SLC10A7: variants seen among roughly 807,000 people sequenced by gnomAD.
The protein encoded by SLC10A7 is solute carrier family 10 member 7, also known as sodium/bile acid cotransporter 7.
Under a neutral mutation model 43.2 loss-of-function variants are expected in SLC10A7, and 29 were observed. The observed-to-expected ratio is 0.67, with a 90% CI of 0.50 to 0.92. The LOEUF (loss-of-function observed/expected upper bound fraction) is 0.92, where lower values mean the gene tolerates loss of function less well. Ranked by LOEUF, SLC10A7 falls within the 40% of genes least tolerant of loss-of-function variation. SLC10A7 has a pLI of 0.00. For synonymous variants in SLC10A7, 152 were observed against 144.8 expected (o/e 1.05, Z -0.35); for missense variants, 295 against 403.2 (o/e 0.73, Z 2.30).
In SLC10A7 at chr4:146,471,995, A is replaced by G. The variant is rs1026643585; in HGVS notation, c.397-29174T>C. ...TTCTCCATACCCCCCCACTCCCAAA[A>G]GATAGCTCATGCAGTTTTCCAAATA... On this transcript the variant is annotated intron_variant, in intron 4 of 11. Coordinates refer to ENST00000335472, the MANE Select transcript of SLC10A7 (RefSeq NM_001029998.6). 5.3e-5 allele frequency among the ~76,000 whole-genome samples: 8 copies of G among 152,328 alleles called. No homozygotes were observed. In the East Asian group the frequency reaches 1.5e-3, roughly 29 times the overall value.
chr4:146,305,605 G>T (rs80213763), intron 7 of SLC10A7, among the ~76,000 whole-genome samples: 1 of 147,668 alleles, frequency 6.8e-6, no homozygotes, highest in Non-Finnish European at 1.5e-5. Context: ...AAAAAAAAAA[G>T]ACTTGCTAGA....
chr4:146,347,028 G>A (rs1279196545), intron 5 of SLC10A7, among the ~76,000 whole-genome samples: 1 of 152,142 alleles, frequency 6.6e-6, no homozygotes, highest in African/African-American at 2.4e-5. Flanking sequence ...AGGAAAGGCT[G>A]CTTACCTCAC....
At chr4:146,269,300 T>A (rs957901075) in intron 10 of SLC10A7, among the ~76,000 whole-genome samples, 1 of 152,224 alleles carries the variant, frequency 6.6e-6, no homozygotes, top group Non-Finnish European at 1.5e-5. Flanking sequence ...CCCTCACCTG[T>A]CTGACAGCAT....
chr4:146,379,076 T>A (rs1445464320), intron 5 of SLC10A7, among the ~76,000 whole-genome samples: 1 of 152,200 alleles, frequency 6.6e-6, no homozygotes, highest in Non-Finnish European at 1.5e-5. Context: ...GACCTCAATG[T>A]CCACTTCCTG....
At chr4:146,424,013 T>A (rs920789062) in intron 5 of SLC10A7, among the ~76,000 whole-genome samples, 2 of 152,190 alleles carry the variant, frequency 1.3e-5, no homozygotes, top group Non-Finnish European at 2.9e-5. Context: ...GCAGATTTTT[T>A]AAAAATGTTA....
intron 5 of SLC10A7, among the ~76,000 whole-genome samples, chr4:146,395,072 T>G (rs1164075621): frequency 6.6e-6 from 1 of 152,104 alleles, no homozygotes; most frequent in African/African-American, 2.4e-5. Context: ...TGCTTCTCTA[T>G]TAAAATGCAG....
chr4:146,284,774 A>C (rs1469310085), intron 9 of SLC10A7, among the ~76,000 whole-genome samples: 1 of 152,148 alleles, frequency 6.6e-6, no homozygotes, highest in Non-Finnish European at 1.5e-5. Flanking sequence ...CATGGCTTTC[A>C]TATTTCTTCA....
chr4:146,462,129 A>AT (rs1732594640), intron 4 of SLC10A7, among the ~76,000 whole-genome samples: 1 of 152,084 alleles, frequency 6.6e-6, no homozygotes, highest in South Asian at 2.1e-4. Flanking sequence ...TAAAATGTTA[A>AT]TTTTTTAAAG....
intron 5 of SLC10A7, among the ~76,000 whole-genome samples, chr4:146,432,369 C>T (rs1043648791): frequency 6.6e-6 from 1 of 152,094 alleles, no homozygotes; most frequent in African/African-American, 2.4e-5. Context: ...CAGGAAACAA[C>T]CAGTTCATCA....
chr4:146,307,898 A>T (rs943517647), intron 6 of SLC10A7, among the ~76,000 whole-genome samples: 10 of 152,100 alleles, frequency 6.6e-5, no homozygotes, highest in Admixed American at 2.0e-4. Flanking sequence ...AATAAAGAAA[A>T]ATCCATTTCA....
intron 5 of SLC10A7, among the ~76,000 whole-genome samples, chr4:146,384,397 A>G (rs1737844846): frequency 6.6e-6 from 1 of 152,146 alleles, no homozygotes; most frequent in African/African-American, 2.4e-5. Flanking sequence ...TAACAGACAT[A>G]GGTTATTATT....
chr4:146,286,603 C>A (rs368379692), intron 9 of SLC10A7, among the ~76,000 whole-genome samples: 1 of 106,156 alleles, frequency 9.4e-6, no homozygotes, highest in Admixed American at 1.0e-4. Flanking sequence ...TGAGAAGGAC[C>A]GTGTCTGGAG....
intron 3 of SLC10A7, among the ~76,000 whole-genome samples, chr4:146,504,977 T>C (rs1324109493): frequency 6.6e-6 from 1 of 152,224 alleles, no homozygotes; most frequent in Non-Finnish European, 1.5e-5. Context: ...TTAAGTACTA[T>C]ACATTTTTTT....
At position 146,477,078 on chromosome 4, in the gene SLC10A7, A is replaced by G. The variant is rs78914535; in HGVS notation, c.396+26771T>C. On this transcript the variant is annotated intron_variant, in intron 4 of 11. Transcript: ENST00000335472. ...CTTATAAACTGCTCCTAGGAGCTTC[A>G]TTTTCCTCAAGGAATTAAAAGAAGC... Among the ~76,000 whole-genome samples the G allele has an allele frequency of 8.7e-4, 132 of 152,360 alleles. 1 individual carries two copies. In the South Asian group the frequency reaches 0.013, roughly 16 times the overall value.
rs79380001 is a variant in SLC10A7 at position 146,438,934 on chromosome 4, C to T, written c.435+3849G>A. Among the ~76,000 whole-genome samples, 5 of 152,048 alleles carry T rather than the reference C, an allele frequency of 3.3e-5. No homozygotes were observed. The East Asian group carries it at 9.6e-4, about 29-fold the overall frequency. On this transcript the variant is annotated intron_variant, in intron 5 of 11. Coordinates refer to ENST00000335472, the MANE Select transcript of SLC10A7 (RefSeq NM_001029998.6). The stretch of plus-strand genomic sequence containing the variant: ...TGAATTTGAAGTCGAAATATATACA[C>T]GTATATACATAAATTTTAATAGCAT...
chr4:146,393,191 CAAAAAAAAAAAAAA>C (rs765135958), intron 5 of SLC10A7, among the ~76,000 whole-genome samples: 2 of 42,070 alleles, frequency 4.8e-5, no homozygotes, highest in Middle Eastern at 0.024. Context: ...GGCCCTGTCT[CAAAAAAAAAAAAAA>C]AAAAAAAAAA....
intron 9 of SLC10A7, among the ~76,000 whole-genome samples, chr4:146,285,721 G>A (rs568123830): frequency 3.5e-4 from 54 of 152,338 alleles, no homozygotes; most frequent in African/African-American, 1.3e-3. Flanking sequence ...TGGGAAGGAG[G>A]CCAAGGAGTT....
At chr4:146,486,850 C>T (rs76969998) in intron 4 of SLC10A7, among the ~76,000 whole-genome samples, 1,597 of 152,316 alleles carry the variant, frequency 0.01, 24 homozygotes, top group African/African-American at 0.036. Context: ...GACACACAGG[C>T]TTGGCCTGTG....
chr4:146,512,403 GA>G (rs1737567629), intron 2 of SLC10A7, among the ~76,000 whole-genome samples: 2 of 152,104 alleles, frequency 1.3e-5, no homozygotes, highest in Non-Finnish European at 2.9e-5. Context: ...TTATCCTAAA[GA>G]TATAAAAATG....
Sources: gnomAD v4.1 joint callset for allele counts (sites outside exome capture counted in the v4.1 genomes callset) on GRCh38, gnomAD v4.1.1 for gene constraint, MANE v1.5 for transcripts, NCBI Gene and HGNC (gene_info 2026-07-23, HGNC 2026-07-21) for gene names.